The following DCAF10 variants were observed in gnomAD, a reference collection of about 807,000 sequenced individuals.
The protein encoded by DCAF10 is DDB1 and CUL4 associated factor 10.
DCAF10 carries 19 observed loss-of-function variants against 51.9 expected under a neutral mutation model. The observed-to-expected ratio is 0.37, with a 90% CI of 0.26 to 0.54. The LOEUF is 0.54. DCAF10 is among the 20% of genes least tolerant of loss of function. The pLI, the probability that DCAF10 is intolerant of heterozygous loss-of-function variation, is 0.87. For synonymous variants in DCAF10, 291 were observed against 297.1 expected, an observed-to-expected ratio of 0.98 and a Z score of 0.21; for missense variants, 510 against 730.6, an observed-to-expected ratio of 0.70 and a Z score of 3.48.
At chr9:37,809,788 G>A (rs553403844) in intron 1 of DCAF10, among the ~76,000 whole-genome samples, 78 of 152,266 alleles carry the variant, frequency 5.1e-4, no homozygotes, top group Non-Finnish European at 9.6e-4. Flanking sequence ...AGCCAAGACT[G>A]TGCCACTTCA....
In DCAF10 at chr9:37,813,513, T is replaced by G. The variant is rs12351287; in HGVS notation, c.540-5775T>G. Among the ~76,000 whole-genome samples, 233 of 152,374 alleles carry G rather than the reference T, an allele frequency of 1.5e-3. 1 individual carries two copies. The highest frequency in any genetic ancestry group is 5.0e-3 in the African/African-American group (210 of 41,594). ...GCTAGTAGTTACATTAAATGTAATTTGACTGAGACAATGATTGTCAGATCA... is the reference window on the plus strand; with the variant it reads ...GCTAGTAGTTACATTAAATGTAATTGGACTGAGACAATGATTGTCAGATCA... On this transcript the variant is annotated intron_variant, in intron 1 of 6. Coordinates refer to ENST00000377724, the MANE Select transcript of DCAF10 (RefSeq NM_024345.5).
chr9:37,842,614 T>C (rs182579247), intron 3 of DCAF10, among the ~76,000 whole-genome samples: 121 of 152,366 alleles, frequency 7.9e-4, no homozygotes, highest in African/African-American at 2.5e-3. Flanking sequence ...CCCTCAATTC[T>C]ACATATATTT....
chr9:37,834,107 T>C (rs993347464), intron 2 of DCAF10, among the ~76,000 whole-genome samples: 2 of 152,136 alleles, frequency 1.3e-5, no homozygotes, highest in African/African-American at 4.8e-5. Flanking sequence ...ACCTGGCTAA[T>C]TTTCATATTT....
intron 1 of DCAF10, among the ~76,000 whole-genome samples, chr9:37,816,692 A>G (rs886679917): frequency 6.6e-5 from 8 of 121,204 alleles, no homozygotes; most frequent in African/African-American, 9.4e-5. Flanking sequence ...GTGTGTGTGT[A>G]TACATAAATT....
intron 2 of DCAF10, among the ~76,000 whole-genome samples, chr9:37,821,916 A>G (rs1042127719): frequency 1.7e-4 from 26 of 152,172 alleles, no homozygotes; most frequent in Non-Finnish European, 1.2e-4. Flanking sequence ...ATCAGTAAAA[A>G]AAAAACAACA....
At chr9:37,818,554 A>T (rs935599704) in intron 1 of DCAF10, among the ~76,000 whole-genome samples, 25 of 152,226 alleles carry the variant, frequency 1.6e-4, no homozygotes, top group African/African-American at 5.5e-4. Context: ...GTTTATAAAA[A>T]TATAACTTTG....
intron 2 of DCAF10, among the ~76,000 whole-genome samples, chr9:37,824,562 A>C (rs1829798840): frequency 6.6e-6 from 1 of 152,070 alleles, no homozygotes; most frequent in South Asian, 2.1e-4. Context: ...AGTAAAAAAA[A>C]AAAATTTAAA....
At chr9:37,854,572 T>C (rs988083772) in intron 3 of DCAF10, among the ~76,000 whole-genome samples, 2 of 152,224 alleles carry the variant, frequency 1.3e-5, no homozygotes, top group Non-Finnish European at 2.9e-5. Context: ...TATTTTATAA[T>C]ATACTGTATC....
chr9:37,801,839 C>T lies in DCAF10; in HGVS notation c.539+434C>T, dbSNP rs1828960175. Among the ~76,000 whole-genome samples, 2 of 152,184 alleles carry T rather than the reference C, an allele frequency of 1.3e-5. No homozygotes were observed. The highest frequency in any genetic ancestry group is 2.9e-5 in the Non-Finnish European group (2 of 68,024). ...GCTGTAGATTCCTTGCACTCTGTAC[C>T]TGAACTTGCCATGATGGGGCAAGTG... On this transcript the variant is annotated intron_variant, in intron 1 of 6. Coordinates refer to ENST00000377724, the MANE Select transcript of DCAF10 (RefSeq NM_024345.5). This position sits in a 1 kb window ranked among gnomAD's most constrained non-coding sequence, Gnocchi z 5.5.
chr9:37,852,280 T>C (rs1026206178), intron 3 of DCAF10, among the ~76,000 whole-genome samples: 12 of 152,316 alleles, frequency 7.9e-5, no homozygotes, highest in Middle Eastern at 3.4e-3. Flanking sequence ...TAAAATTATA[T>C]GCTAAGCTAA....
intron 2 of DCAF10, among the ~76,000 whole-genome samples, chr9:37,834,792 T>C (rs181510305): frequency 6.7e-6 from 1 of 148,314 alleles, no homozygotes; most frequent in Admixed American, 6.7e-5. Flanking sequence ...CTCAATCACG[T>C]ACTTTTTTTT....
Position 37,801,421 on chromosome 9 carries a change from C to A in DCAF10, c.539+16C>A. On this transcript the variant is annotated intron_variant, in intron 1 of 6. Coordinates refer to ENST00000377724, the MANE Select transcript of DCAF10 (RefSeq NM_024345.5). This position sits in a 1 kb window ranked among gnomAD's most constrained non-coding sequence, Gnocchi z 5.5. ...CGCCCGACGGGTAAGCGCGGCCCCT[C>A]GGAGGGCGGGCGCCCGCCTCCGCCC... is the stretch of plus-strand genomic sequence containing the variant. The A allele has an allele frequency of 7.0e-7, 1 of 1,437,348 alleles. No homozygotes were observed. Among genetic ancestry groups the A allele is most frequent in the Non-Finnish European group, 9.1e-7 (1 of 1,092,904 alleles). 89.0% of individuals were successfully genotyped at this position (1,437,348 alleles called of 1,614,324 possible).
intron 2 of DCAF10, chr9:37,836,116 T>C: frequency 1.5e-6 from 2 of 1,299,174 alleles, no homozygotes; most frequent in Non-Finnish European, 2.2e-6. Context: ...TCTATTAAAG[T>C]ACACGAACCT....
At chr9:37,815,232 T>C (rs1382590966) in intron 1 of DCAF10, among the ~76,000 whole-genome samples, 1 of 152,236 alleles carries the variant, frequency 6.6e-6, no homozygotes, top group African/African-American at 2.4e-5. Flanking sequence ...GATGAAATGT[T>C]GAATATATTC....
chr9:37,827,736 A>G (rs892467337), intron 2 of DCAF10, among the ~76,000 whole-genome samples: 7 of 152,228 alleles, frequency 4.6e-5, no homozygotes, highest in African/African-American at 1.7e-4. Context: ...AGATAATTCT[A>G]GAACCAGTTT....
intron 2 of DCAF10, among the ~76,000 whole-genome samples, chr9:37,832,676 A>C (rs546173368): frequency 1.9e-4 from 29 of 152,188 alleles, no homozygotes; most frequent in Non-Finnish European, 4.0e-4. Flanking sequence ...AGTAATATAA[A>C]ATCACTGGCA....
chr9:37,825,855 C>T (rs1367933633), intron 2 of DCAF10, among the ~76,000 whole-genome samples: 3 of 151,834 alleles, frequency 2.0e-5, no homozygotes, highest in Non-Finnish European at 4.4e-5. Context: ...CCCATCTCTA[C>T]TAAAAATACA....
rs909774316 is a variant in DCAF10, at chr9:37,864,592, A to T, written c.*3084A>T. 5 of 146,836 alleles carry T rather than the reference A, an allele frequency of 3.4e-5. No homozygotes were observed. The South Asian group carries it at 8.4e-4, about 25-fold the overall frequency. The allele number at this position is 146,836 out of a possible 1,614,324, so 9.1% of individuals were successfully genotyped here. A position where few individuals can be genotyped will look rare whatever the true frequency, so the allele number is the denominator to read the frequency against. Reference sequence around the variant, plus strand: ...GAGCGAGACTCTGCCTCAAAAAAAAAAAAAAAAATAAAATAAAATAAAATT... The same window carrying T: ...GAGCGAGACTCTGCCTCAAAAAAAATAAAAAAAATAAAATAAAATAAAATT... On this transcript the variant is annotated 3_prime_UTR_variant, in exon 7 of 7. Transcript: ENST00000377724.
At chr9:37,828,754 A>G (rs1829925692) in intron 2 of DCAF10, among the ~76,000 whole-genome samples, 1 of 152,192 alleles carries the variant, frequency 6.6e-6, no homozygotes, top group South Asian at 2.1e-4. Flanking sequence ...ATTATGAACC[A>G]GTGCGGGGTG....
Sources: gnomAD v4.1 joint callset for allele counts (sites outside exome capture counted in the v4.1 genomes callset) on GRCh38, gnomAD v4.1.1 for gene constraint, Gnocchi (gnomAD v3.1) non-coding constraint, MANE v1.5 for transcripts, NCBI Gene and HGNC (gene_info 2026-07-23, HGNC 2026-07-21) for gene names.